Variants in VRK1 observed in about 807,000 individuals in gnomAD.
The protein encoded by VRK1 is VRK serine/threonine kinase 1.
In VRK1, 33 loss-of-function variants were observed where a neutral mutation model predicts 57.1. The ratio of observed to expected loss-of-function variants is 0.58; its 90% confidence interval spans 0.44 to 0.77. The LOEUF (loss-of-function observed/expected upper bound fraction) is 0.77. VRK1 is among the 30% of genes least tolerant of loss of function. VRK1 has a pLI of 0.00. For synonymous variants in VRK1, 137 were observed against 147.8 expected, an observed-to-expected ratio of 0.93 and a Z score of 0.53; for missense variants, 413 against 477.3, an observed-to-expected ratio of 0.87 and a Z score of 1.25.
intron 1 of VRK1, among the ~76,000 whole-genome samples, chr14:96,819,355 T>C (rs1425678548): frequency 6.6e-6 from 1 of 152,164 alleles, no homozygotes; most frequent in Non-Finnish European, 1.5e-5. Context: ...AATAGAGCAA[T>C]TAAAGTGAAA....
At chr14:96,836,137 T>A (rs1332942182) in intron 2 of VRK1, among the ~76,000 whole-genome samples, 1 of 152,218 alleles carries the variant, frequency 6.6e-6, no homozygotes, top group Non-Finnish European at 1.5e-5. Context: ...ATTTTTTTAA[T>A]ATATTTTATT....
chr14:96,843,746 T>A (rs1198075369), intron 3 of VRK1, among the ~76,000 whole-genome samples: 1 of 152,222 alleles, frequency 6.6e-6, no homozygotes, highest in African/African-American at 2.4e-5. Flanking sequence ...ATTTTAGTTA[T>A]GAGTTAAGGT....
At chr14:96,816,481 T>C (rs903866445) in intron 1 of VRK1, among the ~76,000 whole-genome samples, 1 of 152,178 alleles carries the variant, frequency 6.6e-6, no homozygotes, top group Admixed American at 6.5e-5. Context: ...CCTCCTTCTT[T>C]AGACCCTCCC....
intron 7 of VRK1, among the ~76,000 whole-genome samples, chr14:96,854,605 A>T (rs909727321): frequency 1.3e-5 from 2 of 152,212 alleles, no homozygotes; most frequent in African/African-American, 4.8e-5. Context: ...TAATATTAAA[A>T]TTTACTTTTA....
At chr14:96,870,449 G>A (rs1888776071) in intron 11 of VRK1, among the ~76,000 whole-genome samples, 1 of 152,110 alleles carries the variant, frequency 6.6e-6, no homozygotes, top group South Asian at 2.1e-4. Flanking sequence ...ACCCTCAGAG[G>A]AAAACATGAG....
chr14:96,827,075 G>T (rs1490709660), intron 1 of VRK1, among the ~76,000 whole-genome samples: 3 of 152,054 alleles, frequency 2.0e-5, no homozygotes, highest in African/African-American at 7.2e-5. Context: ...GCCTTTGTCT[G>T]GGAGAACAGG....
chr14:96,857,661 T>G (rs1173293578), intron 10 of VRK1, among the ~76,000 whole-genome samples: 1 of 152,126 alleles, frequency 6.6e-6, no homozygotes, highest in Non-Finnish European at 1.5e-5. Context: ...GCAAGAGAAG[T>G]AGCAGCCAAA....
Position 96,833,644 on chromosome 14 carries a change from C to T in VRK1, c.160+13C>T. 6.2e-7 allele frequency: 1 copy of T among 1,613,380 alleles called. No homozygotes were observed. The highest frequency in any genetic ancestry group is 1.7e-5 in the Admixed American group (1 of 59,998). On this transcript the variant is annotated intron_variant, in intron 2 of 12. Transcript: ENST00000216639. ...TGTATATATCTTGGTAAGTGTGTGA[C>T]TGCTTCTAATGATCAATCCAAAGAT...
chr14:96,870,393 C>A (rs952224648), intron 11 of VRK1, among the ~76,000 whole-genome samples: 1 of 152,158 alleles, frequency 6.6e-6, no homozygotes, highest in African/African-American at 2.4e-5. Flanking sequence ...CTTGAACCAT[C>A]TTAACTTTGC....
intron 3 of VRK1, among the ~76,000 whole-genome samples, chr14:96,838,979 C>G (rs1459149781): frequency 6.6e-6 from 1 of 151,900 alleles, no homozygotes; most frequent in African/African-American, 2.4e-5. Flanking sequence ...TAATCCTCAC[C>G]TCTTAAAATG....
At chr14:96,852,806 A>T in intron 5 of VRK1, 25 bp from the exon 6 acceptor site, 1 of 1,595,798 alleles carries the variant, frequency 6.3e-7, no homozygotes, top group Non-Finnish European at 8.6e-7. Context: ...TATTTTGTTC[A>T]TTGGCTTTTC....
intron 11 of VRK1, among the ~76,000 whole-genome samples, chr14:96,872,967 C>G (rs552462616): frequency 6.6e-6 from 1 of 152,058 alleles, no homozygotes; most frequent in African/African-American, 2.4e-5. Context: ...TGTTCTATAG[C>G]ACATATGACA....
chr14:96,832,626 A>G (rs1382502030), intron 1 of VRK1, among the ~76,000 whole-genome samples: 1 of 152,150 alleles, frequency 6.6e-6, no homozygotes, highest in Non-Finnish European at 1.5e-5. Context: ...TACTCTTTTC[A>G]CAATAAAACA....
chr14:96,821,751 C>A (rs958193225), intron 1 of VRK1, among the ~76,000 whole-genome samples: 26 of 152,150 alleles, frequency 1.7e-4, no homozygotes, highest in African/African-American at 5.1e-4. Flanking sequence ...GAAGTCCTTA[C>A]AATAGCCTGA....
intron 11 of VRK1, 22 bp from the exon 12 acceptor site, chr14:96,876,008 T>G (rs368707876): frequency 6.2e-6 from 10 of 1,609,868 alleles, no homozygotes; most frequent in Non-Finnish European, 8.5e-6. Flanking sequence ...TCTCTCTCTC[T>G]CTCTTTAATT....
chr14:96,838,720 G>A (rs905017421), intron 3 of VRK1, among the ~76,000 whole-genome samples: 3 of 152,176 alleles, frequency 2.0e-5, no homozygotes, highest in Non-Finnish European at 4.4e-5. Context: ...TCCAAGATGA[G>A]ATTTGGGTGG....
At chr14:96,836,518 CTTTTTTTTTTT>C (rs10560354) in intron 2 of VRK1, among the ~76,000 whole-genome samples, 1 of 89,442 alleles carries the variant, frequency 1.1e-5, no homozygotes, top group Non-Finnish European at 2.2e-5. Flanking sequence ...ACATCAGGGT[CTTTTTTTTTTT>C]TTTTTTTTTT....
intron 1 of VRK1, among the ~76,000 whole-genome samples, chr14:96,825,931 G>A (rs1033778778): frequency 5.3e-5 from 8 of 152,042 alleles, no homozygotes; most frequent in African/African-American, 7.2e-5. Context: ...AGTATATAAC[G>A]AGCTTTATTC....
intron 11 of VRK1, among the ~76,000 whole-genome samples, chr14:96,865,634 C>T (rs1481780963): frequency 6.6e-6 from 1 of 152,148 alleles, no homozygotes; most frequent in Non-Finnish European, 1.5e-5. Context: ...TCTTCCATAG[C>T]CATAGTAGGC....
Sources: allele counts gnomAD v4.1 joint callset (sites outside exome capture counted in the v4.1 genomes callset), GRCh38; gene constraint gnomAD v4.1.1; transcripts MANE v1.5; gene names NCBI Gene and HGNC (gene_info 2026-07-23, HGNC 2026-07-21).